ATP8A1: variants seen among roughly 807,000 people sequenced by gnomAD.
ATP8A1 encodes ATPase phospholipid transporting 8A1.
Under a neutral mutation model 177.7 loss-of-function variants are expected in ATP8A1, and 90 were observed. The ratio of observed to expected loss-of-function variants is 0.51; its 90% CI spans 0.43 to 0.60. ATP8A1 has a LOEUF of 0.60. ATP8A1 is among the 20% of genes least tolerant of loss of function. The pLI is 0.00. For missense variants in ATP8A1, 1,072 were observed against 1,392.8 expected (o/e 0.77, Z 3.67); for synonymous variants, 493 against 485.9 (o/e 1.01, Z -0.19).
Position 42,455,521 on chromosome 4 carries a change from T to A in ATP8A1, c.2694+4A>T. On this transcript the variant is annotated splice_donor_region_variant and intron_variant, in intron 28 of 36. Coordinates refer to ENST00000381668, the MANE Select transcript of ATP8A1 (RefSeq NM_006095.2). ...ACAGGAATTATCAAATGTCCTAAAC[T>A]TACCACGTTATAGAGACCTATACAC... is the stretch of plus-strand genomic sequence containing the variant. The A allele has an allele frequency of 6.2e-7, 1 of 1,613,564 alleles. No homozygotes were observed. The highest frequency in any genetic ancestry group is 8.5e-7 in the Non-Finnish European group (1 of 1,179,694).
At chr4:42,433,632 CCAAACAAA>C (rs113747755) in intron 33 of ATP8A1, among the ~76,000 whole-genome samples, 140 of 151,760 alleles carry the variant, frequency 9.2e-4, no homozygotes, top group African/African-American at 2.4e-3. Context: ...TTGGGTTATC[CCAAACAAA>C]CAAACAAACA....
intron 33 of ATP8A1, among the ~76,000 whole-genome samples, chr4:42,432,096 A>C (rs901836675): frequency 6.6e-5 from 10 of 151,998 alleles, no homozygotes; most frequent in African/African-American, 2.4e-4. Context: ...CATCTCACCC[A>C]ATCTCAGTTA....
rs531608144 is a variant in ATP8A1 at position 42,567,659 on chromosome 4, A to C, written c.1340+1502T>G. ...GGAAATGTACAAGCAATTTATGACA[A>C]AGCTGACAATTTCTTATTTGGAGTT... On this transcript the variant is annotated intron_variant, in intron 15 of 36. Coordinates refer to ENST00000381668, the MANE Select transcript of ATP8A1 (RefSeq NM_006095.2). Among the ~76,000 whole-genome samples, 3 of 152,346 alleles carry C rather than the reference A, an allele frequency of 2.0e-5. No homozygotes were observed. The South Asian group carries it at 6.2e-4, about 32-fold the overall frequency.
chr4:42,555,134 TATCTAATCTATCTATCTATC>T lies in ATP8A1; in HGVS notation c.1413+814_1413+833del, dbSNP rs1226454690. On this transcript the variant is annotated intron_variant, in intron 16 of 36. Coordinates refer to ENST00000381668, the MANE Select transcript of ATP8A1 (RefSeq NM_006095.2). ...CTATCTATCTATCTATCTATCTATC[TATCTAATCTATCTATCTATC>T]TATCTATCTATCTATCTATCTATCT... Among the ~76,000 whole-genome samples the T allele has an allele frequency of 4.7e-3, 392 of 83,932 alleles. 7 individuals carry two copies. Among genetic ancestry groups the T allele is most frequent in the African/African-American group, 3.8e-3 (75 of 19,554 alleles). The allele number at this position is 83,932 out of a possible 152,430, so 55.1% of individuals were successfully genotyped here. A position where few individuals can be genotyped will look rare whatever the true frequency, so the allele number is the denominator to read the frequency against.
chr4:42,511,302 T>C (rs1200908937), intron 22 of ATP8A1, among the ~76,000 whole-genome samples: 8 of 152,186 alleles, frequency 5.3e-5, no homozygotes, highest in East Asian at 1.9e-4. Flanking sequence ...CACAAGAGTG[T>C]TTAGGCTATA....
intron 20 of ATP8A1, among the ~76,000 whole-genome samples, chr4:42,527,541 C>A (rs895189617): frequency 6.6e-6 from 1 of 152,088 alleles, no homozygotes; most frequent in African/African-American, 2.4e-5. Flanking sequence ...ACAACGATGG[C>A]CTCCCCTGAA....
chr4:42,437,783 CA>C (rs1716161997), intron 33 of ATP8A1, among the ~76,000 whole-genome samples: 1 of 152,112 alleles, frequency 6.6e-6, no homozygotes, highest in Admixed American at 6.5e-5. Context: ...CCCTGCCCAC[CA>C]ACTGAGAACA....
chr4:42,566,602 CAAG>C (rs1488716903), intron 15 of ATP8A1, among the ~76,000 whole-genome samples: 1 of 151,998 alleles, frequency 6.6e-6, no homozygotes, highest in Non-Finnish European at 1.5e-5. Flanking sequence ...CCTAACACCA[CAAG>C]AAATTTACTG....
intron 5 of ATP8A1, among the ~76,000 whole-genome samples, chr4:42,612,547 C>T (rs1736470592): frequency 6.6e-6 from 1 of 151,198 alleles, no homozygotes; most frequent in Non-Finnish European, 1.5e-5. Context: ...GAGCGTCAAC[C>T]TACTCTGTCT....
chr4:42,464,612 G>A, intron 27 of ATP8A1, 78 bp downstream of exon 27: 1 of 802,202 alleles, frequency 1.2e-6, no homozygotes, highest in Non-Finnish European at 2.0e-6. Flanking sequence ...TTAAAACCAT[G>A]AGAAAACGTC....
chr4:42,519,276 G>A (rs1042206442), intron 22 of ATP8A1, among the ~76,000 whole-genome samples: 3 of 151,992 alleles, frequency 2.0e-5, no homozygotes, highest in Non-Finnish European at 2.9e-5. Flanking sequence ...ATTATTTACA[G>A]AGATGGAGTC....
chr4:42,604,024 A>G (rs1480861290), intron 5 of ATP8A1, among the ~76,000 whole-genome samples: 2 of 152,050 alleles, frequency 1.3e-5, no homozygotes, highest in Non-Finnish European at 2.9e-5. Flanking sequence ...TCCTGTCATC[A>G]CTTCTTGTCA....
chr4:42,508,105 T>C (rs1356185757), intron 22 of ATP8A1, among the ~76,000 whole-genome samples: 3 of 152,132 alleles, frequency 2.0e-5, no homozygotes, highest in African/African-American at 4.8e-5. Context: ...ACACAACCAA[T>C]GGGCTCTGGG....
At chr4:42,441,582 C>T (rs567385029) in intron 33 of ATP8A1, among the ~76,000 whole-genome samples, 1 of 152,076 alleles carries the variant, frequency 6.6e-6, no homozygotes, top group African/African-American at 2.4e-5. Flanking sequence ...TGATTTACCT[C>T]GGAGAATCTG....
At chr4:42,448,828 GTTTTTTTTTTTTTT>G (rs55946444) in intron 30 of ATP8A1, among the ~76,000 whole-genome samples, 1 of 84,206 alleles carries the variant, frequency 1.2e-5, no homozygotes, top group African/African-American at 4.5e-5. Context: ...TGTACTTTGC[GTTTTTTTTTTTTTT>G]TTTTTTTTTT....
intron 22 of ATP8A1, among the ~76,000 whole-genome samples, chr4:42,514,238 A>G (rs1442969843): frequency 6.6e-6 from 1 of 152,230 alleles, no homozygotes; most frequent in African/African-American, 2.4e-5. Flanking sequence ...TTATAAGGCC[A>G]GAATTCACAC....
chr4:42,466,497 G>T (rs1233172972), intron 25 of ATP8A1, among the ~76,000 whole-genome samples: 1 of 152,198 alleles, frequency 6.6e-6, no homozygotes, highest in Admixed American at 6.5e-5. Flanking sequence ...AGCAGCTCTG[G>T]TTTTTATTTC....
intron 25 of ATP8A1, among the ~76,000 whole-genome samples, chr4:42,483,366 ATG>A (rs1439917308): frequency 7.8e-6 from 1 of 127,888 alleles, no homozygotes; most frequent in Non-Finnish European, 1.6e-5. Flanking sequence ...GAGGAAAGAT[ATG>A]TGACTTAAGA....
Position 42,656,935 on chromosome 4 carries a change from C to T in ATP8A1, c.-62G>A. 7.0e-7 allele frequency: 1 copy of T among 1,432,046 alleles called. No homozygotes were observed. Among genetic ancestry groups the T allele is most frequent in the Non-Finnish European group, 9.3e-7 (1 of 1,074,346 alleles). 88.7% of individuals were successfully genotyped at this position (1,432,046 alleles called of 1,614,324 possible). ...TCTGCACCTGTCACGGCGTGGTACACGCGGGAGACCCGGCTGCGCCGCGCA... is the reference window on the plus strand; with the variant it reads ...TCTGCACCTGTCACGGCGTGGTACATGCGGGAGACCCGGCTGCGCCGCGCA... On this transcript the variant is annotated 5_prime_UTR_variant, in exon 1 of 37. The change creates a new upstream start codon in the 5' untranslated region. Coordinates refer to ENST00000381668, the MANE Select transcript of ATP8A1 (RefSeq NM_006095.2).
Sources: allele counts gnomAD v4.1 joint callset (sites outside exome capture counted in the v4.1 genomes callset), GRCh38; gene constraint gnomAD v4.1.1; transcripts MANE v1.5; gene names NCBI Gene and HGNC (gene_info 2026-07-23, HGNC 2026-07-21).